DIAPH3: variants seen among roughly 807,000 people sequenced by gnomAD.
DIAPH3 encodes the protein protein diaphanous homolog 3.
In DIAPH3, 117 loss-of-function variants were observed where a neutral mutation model predicts 144.3. That is an observed-to-expected ratio of 0.81 (90% CI 0.70 to 0.95). The LOEUF is 0.95. DIAPH3 is among the 40% of genes least tolerant of loss of function. The probability of loss-of-function intolerance (pLI) is 0.00; values close to 1 mark genes in which losing one functional copy is unlikely to be tolerated. For synonymous variants in DIAPH3, 519 were observed against 488.9 expected, an observed-to-expected ratio of 1.06 and a Z score of -0.81; for missense variants, 1,421 against 1,412.7, an observed-to-expected ratio of 1.01 and a Z score of -0.09.
chr13:59,946,781 C>T (rs965848851), intron 17 of DIAPH3, among the ~76,000 whole-genome samples: 1 of 151,956 alleles, frequency 6.6e-6, no homozygotes, highest in Non-Finnish European at 1.5e-5. Context: ...TTTAACTATA[C>T]CACCACTGCC....
rs563257863 is a variant in DIAPH3 at position 59,955,848 on chromosome 13, G to T, written c.2074+14096C>A. On this transcript the variant is annotated intron_variant, in intron 17 of 27. Transcript: ENST00000400324. Reference sequence around the variant, plus strand: ...CTCACATGGAAATGAGGAACTTGTTGAGAACTAGAATAAAGGTGACTCCTG... The same window carrying T: ...CTCACATGGAAATGAGGAACTTGTTTAGAACTAGAATAAAGGTGACTCCTG... Among the ~76,000 whole-genome samples the T allele has an allele frequency of 2.6e-3, 394 of 152,262 alleles. 1 individual carries two copies. The highest frequency in any genetic ancestry group is 4.3e-3 in the Non-Finnish European group (291 of 68,024).
At chr13:60,077,862 A>G (rs1566744760) in intron 4 of DIAPH3, among the ~76,000 whole-genome samples, 2 of 152,122 alleles carry the variant, frequency 1.3e-5, no homozygotes, top group Admixed American at 6.6e-5. Flanking sequence ...GGATCATCCA[A>G]CAAACCAAGT....
intron 4 of DIAPH3, among the ~76,000 whole-genome samples, chr13:60,069,307 CT>C (rs2057105728): frequency 1.3e-5 from 2 of 151,986 alleles, no homozygotes; most frequent in African/African-American, 4.8e-5. Flanking sequence ...TGCTCGTGTC[CT>C]TTGCCCATTT....
chr13:59,666,817 A>C lies in DIAPH3; in HGVS notation c.3349T>G (p.Ser1117Ala), dbSNP rs756513212. 9.9e-6 allele frequency: 16 copies of C among 1,613,998 alleles called. No homozygotes were observed. The highest frequency in any genetic ancestry group is 1.3e-5 in the Non-Finnish European group (15 of 1,179,992). ...ENQKVQLTEG[S>A]RSHYNINCNS... Reference sequence around the variant, plus strand: ...CAATTGATATTGTAGTGTGAACGTGACCCTTCTGTCAACTGCACTTTCTGA... The same window carrying C: ...CAATTGATATTGTAGTGTGAACGTGCCCCTTCTGTCAACTGCACTTTCTGA... Residue 1117 changes from serine (S) to alanine (A), a missense_variant, in exon 28 of 28, where the codon TCA becomes GCA. Coordinates refer to ENST00000400324, the MANE Select transcript of DIAPH3 (RefSeq NM_001042517.2).
intron 27 of DIAPH3, among the ~76,000 whole-genome samples, chr13:59,770,307 C>T (rs1019232170): frequency 1.3e-5 from 2 of 152,104 alleles, no homozygotes; most frequent in Non-Finnish European, 2.9e-5. Flanking sequence ...TAAACATAAA[C>T]ATGTCTGTTC....
In DIAPH3 at chr13:59,843,074, A is replaced by G. The variant is rs140243595; in HGVS notation, c.2738-3626T>C. ...CTTTAATCGTATGTTTACTACTTCTAGAAACCAGTCTTCATCCTGAAGCTA... is the reference window on the plus strand; with the variant it reads ...CTTTAATCGTATGTTTACTACTTCTGGAAACCAGTCTTCATCCTGAAGCTA... On this transcript the variant is annotated intron_variant, in intron 22 of 27. Transcript: ENST00000400324. 7.8e-4 allele frequency among the ~76,000 whole-genome samples: 119 copies of G among 152,326 alleles called. No homozygotes were observed. The East Asian group carries it at 0.02, about 26-fold the overall frequency.
At chr13:60,043,386 G>T (rs1236801631) in intron 4 of DIAPH3, among the ~76,000 whole-genome samples, 2 of 152,222 alleles carry the variant, frequency 1.3e-5, no homozygotes, top group African/African-American at 4.8e-5. Flanking sequence ...TAACTTGGCA[G>T]AACAGATCAG....
intron 20 of DIAPH3, among the ~76,000 whole-genome samples, chr13:59,906,085 C>A (rs1417412021): frequency 1.1e-4 from 16 of 152,144 alleles, no homozygotes; most frequent in Non-Finnish European, 1.6e-4. Context: ...AGAATTTAAA[C>A]CCAGACAATG....
intron 20 of DIAPH3, among the ~76,000 whole-genome samples, chr13:59,880,978 C>CAAAAAAAAAAAAAAAA (rs77481523): frequency 4.6e-5 from 3 of 64,822 alleles, no homozygotes; most frequent in African/African-American, 1.2e-4. Context: ...CAACAAGGAC[C>CAAAAAAAAAAAAAAAA]AAAAAAAAAA....
At chr13:60,005,858 A>G (rs1479582996) in intron 9 of DIAPH3, among the ~76,000 whole-genome samples, 5 of 152,194 alleles carry the variant, frequency 3.3e-5, no homozygotes, top group Non-Finnish European at 1.5e-5. Flanking sequence ...AAAAGAAATT[A>G]AACCTGTATC....
At chr13:59,701,976 C>T (rs763204772) in intron 27 of DIAPH3, among the ~76,000 whole-genome samples, 1 of 152,156 alleles carries the variant, frequency 6.6e-6, no homozygotes, top group Non-Finnish European at 1.5e-5. Context: ...GTTAAGTAAG[C>T]CTAGAGCTAA....
intron 13 of DIAPH3, among the ~76,000 whole-genome samples, chr13:59,983,199 C>T (rs1323012916): frequency 9.1e-6 from 1 of 109,726 alleles, no homozygotes; most frequent in Non-Finnish European, 1.9e-5. Context: ...TGAGTCATTC[C>T]AAGTTTAAAA....
Position 59,666,911 on chromosome 13 carries a change from GAAA to G in DIAPH3, c.3320-68_3320-66del. 8 of 1,564,540 alleles carry G rather than the reference GAAA, an allele frequency of 5.1e-6. 1 individual carries two copies. The South Asian group carries it at 7.9e-5, about 15-fold the overall frequency. On this transcript the variant is annotated intron_variant, in intron 27 of 27. Transcript: ENST00000400324. ...GATAACCAAGGACTGTGCACGTTAT[GAAA>G]CACATTTAAAATAATTATTCTCAAT...
At chr13:59,934,699 C>A (rs1275828154) in intron 17 of DIAPH3, among the ~76,000 whole-genome samples, 2 of 87,358 alleles carry the variant, frequency 2.3e-5, no homozygotes, top group East Asian at 4.0e-4. Flanking sequence ...ATCAGGAAAC[C>A]TAAGCAGAGA....
intron 27 of DIAPH3, among the ~76,000 whole-genome samples, chr13:59,739,674 G>C (rs2036347954): frequency 6.6e-6 from 1 of 151,978 alleles, no homozygotes; most frequent in South Asian, 2.1e-4. Context: ...TAAACATAAA[G>C]TAAATATCAA....
chr13:60,093,790 A>G (rs2058026484), intron 3 of DIAPH3, 58 bp from the exon 4 acceptor site: 3 of 1,072,046 alleles, frequency 2.8e-6, no homozygotes, highest in East Asian at 2.4e-5. Context: ...GCAATTCTAC[A>G]TGCACTACAA....
intron 24 of DIAPH3, among the ~76,000 whole-genome samples, chr13:59,823,288 C>G (rs1309458448): frequency 6.6e-6 from 1 of 152,080 alleles, no homozygotes; most frequent in Non-Finnish European, 1.5e-5. Context: ...GAGAACCTAT[C>G]AGAATTAAAT....
intron 4 of DIAPH3, among the ~76,000 whole-genome samples, chr13:60,075,399 C>T (rs1354656755): frequency 1.3e-5 from 2 of 152,160 alleles, no homozygotes; most frequent in African/African-American, 4.8e-5. Context: ...CTCTCCTTCG[C>T]TACCCATACA....
intron 1 of DIAPH3, among the ~76,000 whole-genome samples, chr13:60,155,057 A>G (rs1356389070): frequency 6.6e-6 from 1 of 152,212 alleles, no homozygotes; most frequent in Non-Finnish European, 1.5e-5. Flanking sequence ...ACAGCAATAA[A>G]GTTACGCCAT....
Sources: allele counts gnomAD v4.1 joint callset (sites outside exome capture counted in the v4.1 genomes callset), GRCh38; gene constraint gnomAD v4.1.1; transcripts MANE v1.5; gene names NCBI Gene and HGNC (gene_info 2026-07-23, HGNC 2026-07-21).